Variants in OSMR observed in about 807,000 individuals in gnomAD.
OSMR encodes the protein oncostatin M receptor, also known as oncostatin-M-specific receptor subunit beta.
Under a neutral mutation model 99.9 loss-of-function variants are expected in OSMR, and 81 were observed. The ratio of observed to expected loss-of-function variants is 0.81; its 90% CI spans 0.68 to 0.97. The LOEUF (loss-of-function observed/expected upper bound fraction) is 0.97, where lower values mean the gene tolerates loss of function less well. Among genes scored for constraint, OSMR ranks in the 50% least tolerant of loss-of-function variants. OSMR has a pLI of 0.00. For missense variants in OSMR, 1,099 were observed against 1,153.4 expected (o/e 0.95, Z 0.68); for synonymous variants, 406 against 410.4 (o/e 0.99, Z 0.13).
In OSMR at chr5:38,921,724, C is replaced by T; in HGVS notation, c.1695C>T (p.Thr565=). ...ATGTTGTGGACTGGTGTGACCATACCCAGGATGTGCTCGGTGATTTCCAGT... is the reference window on the plus strand; with the variant it reads ...ATGTTGTGGACTGGTGTGACCATACTCAGGATGTGCTCGGTGATTTCCAGT... ...IGYVVDWCDH[T]QDVLGDFQWK... The change falls in exon 12 of 18, where the codon ACC becomes ACT. Residue 565 remains threonine (T), a synonymous_variant. Coordinates refer to ENST00000274276, the MANE Select transcript of OSMR (RefSeq NM_003999.3). The T allele has an allele frequency of 1.2e-6, 2 of 1,614,016 alleles. No homozygotes were observed. Among genetic ancestry groups the T allele is most frequent in the African/African-American group, 1.3e-5 (1 of 74,982 alleles).
At chr5:38,936,495 A>T (rs1747049359), downstream of OSMR, among the ~76,000 whole-genome samples, 2 of 152,136 alleles carry the variant, frequency 1.3e-5, no homozygotes, top group African/African-American at 4.8e-5. Flanking sequence ...TCAAGATGGG[A>T]GTTGGGACCT....
intron 7 of OSMR, among the ~76,000 whole-genome samples, chr5:38,889,568 C>A (rs1487261713): frequency 6.6e-6 from 1 of 152,058 alleles, no homozygotes; most frequent in African/African-American, 2.4e-5. Flanking sequence ...TCTCTAATAT[C>A]TTTTATCACT....
chr5:38,895,864 CT>C, intron 7 of OSMR, among the ~76,000 whole-genome samples: 1 of 152,078 alleles, frequency 6.6e-6, no homozygotes, highest in Middle Eastern at 3.4e-3. Context: ...CATTTTTCTG[CT>C]TATGGATATC....
chr5:38,932,744 T>G, intron 17 of OSMR, 128 bp from the exon 18 acceptor site: 6 of 1,530,610 alleles, frequency 3.9e-6, no homozygotes, highest in Non-Finnish European at 5.3e-6. Flanking sequence ...ACCTCCAGGT[T>G]ACTTGTGACC....
At chr5:38,916,708 AATCC>A (rs1200400633) in intron 9 of OSMR, among the ~76,000 whole-genome samples, 3 of 152,198 alleles carry the variant, frequency 2.0e-5, no homozygotes, top group Non-Finnish European at 4.4e-5. Flanking sequence ...TCAATCAGTC[AATCC>A]ATCTACAAAG....
chr5:38,922,166 C>T (rs1048446750), intron 12 of OSMR, among the ~76,000 whole-genome samples: 4 of 152,148 alleles, frequency 2.6e-5, no homozygotes, highest in Admixed American at 1.3e-4. Context: ...GAGAATCGAT[C>T]ATCAACTTCA....
rs892790175 is a variant in OSMR at position 38,933,150 on chromosome 5, T to C, written c.2646T>C (p.Ser882=). ...GHVPVSPKAP[S]MLGLMTSPEN... is the part of the protein sequence containing the mutation. ...TTCCAGTATCCCCAAAAGCCCCAAGTATGCTGGGACTAATGACCTCACCTG... is the reference window on the plus strand; with the variant it reads ...TTCCAGTATCCCCAAAAGCCCCAAGCATGCTGGGACTAATGACCTCACCTG... The change falls in exon 18 of 18, where the codon AGT becomes AGC. Residue 882 remains serine (S), a synonymous_variant. Coordinates refer to ENST00000274276, the MANE Select transcript of OSMR (RefSeq NM_003999.3). The C allele has an allele frequency of 6.2e-7, 1 of 1,613,982 alleles. No individual in the cohort carries two copies. The highest frequency in any genetic ancestry group is 1.3e-5 in the African/African-American group (1 of 74,906).
At chr5:38,943,213 G>T in intron 1 of OSMR, 2 of 367,894 alleles carry the variant, frequency 5.4e-6, no homozygotes, top group Non-Finnish European at 9.8e-6. Flanking sequence ...TAAAATTGAA[G>T]CATTCTTTTT....
At chr5:38,942,275 A>G in intron 1 of OSMR, 1 of 1,273,126 alleles carries the variant, frequency 7.9e-7, no homozygotes, top group Non-Finnish European at 1.1e-6. Flanking sequence ...TATATATAGT[A>G]TGTATCTATA....
intron 9 of OSMR, among the ~76,000 whole-genome samples, chr5:38,913,780 C>A (rs1374138596): frequency 6.6e-6 from 1 of 152,198 alleles, no homozygotes; most frequent in Non-Finnish European, 1.5e-5. Context: ...TAGCAGTCAG[C>A]ACCACTGTCC....
At chr5:38,877,400 T>G (rs963901804) in intron 3 of OSMR, among the ~76,000 whole-genome samples, 4 of 152,234 alleles carry the variant, frequency 2.6e-5, no homozygotes, top group Non-Finnish European at 5.9e-5. Flanking sequence ...TTTGACTCTG[T>G]CCACTTAGGA....
At chr5:38,866,609 TG>T (rs1183894335) in intron 1 of OSMR, among the ~76,000 whole-genome samples, 1 of 151,706 alleles carries the variant, frequency 6.6e-6, no homozygotes, top group African/African-American at 2.4e-5. Context: ...GAATGGATAT[TG>T]GGTGATGTCC....
chr5:38,855,812 C>A (rs1036843967), intron 1 of OSMR, among the ~76,000 whole-genome samples: 2 of 151,438 alleles, frequency 1.3e-5, no homozygotes, highest in Non-Finnish European at 1.5e-5. Flanking sequence ...TCAATGTAAA[C>A]CAGACCACGT....
At chr5:38,928,146 C>A (rs1023449835) in intron 15 of OSMR, among the ~76,000 whole-genome samples, 1 of 151,398 alleles carries the variant, frequency 6.6e-6, no homozygotes, top group Non-Finnish European at 1.5e-5. Flanking sequence ...CCAAACTTTC[C>A]AACATCTTCC....
rs995085834 is a variant in OSMR, at chr5:38,933,462, T to C, written c.*18T>C. On this transcript the variant is annotated 3_prime_UTR_variant, in exon 18 of 18. Coordinates refer to ENST00000274276, the MANE Select transcript of OSMR (RefSeq NM_003999.3). ...ACTGCTAACCAGCATGCCGATTTCA[T>C]ACCTTATGCTACACAGACATTAAGA... The C allele has an allele frequency of 2.5e-6, 4 of 1,613,638 alleles. No homozygotes were observed. The highest frequency in any genetic ancestry group is 8.5e-7 in the Non-Finnish European group (1 of 1,179,796).
At chr5:38,902,313 C>A (rs1332206052) in intron 7 of OSMR, among the ~76,000 whole-genome samples, 1 of 152,162 alleles carries the variant, frequency 6.6e-6, no homozygotes, top group East Asian at 1.9e-4. Context: ...ATGGAGGTGG[C>A]CTTCTGTGCC....
At chr5:38,914,534 A>G (rs969133640) in intron 9 of OSMR, among the ~76,000 whole-genome samples, 1 of 150,154 alleles carries the variant, frequency 6.7e-6, no homozygotes, top group African/African-American at 2.4e-5. Flanking sequence ...AAAATAAATC[A>G]TTCTACCAAC....
rs1192224021 is a variant in OSMR, at chr5:38,934,912, T to C, written c.*1468T>C. 6.6e-6 allele frequency: 1 copy of C among 152,304 alleles called. No individual in the cohort carries two copies. Among genetic ancestry groups the C allele is most frequent in the African/African-American group, 2.4e-5 (1 of 41,448 alleles). 9.4% of individuals were successfully genotyped at this position (152,304 alleles called of 1,614,324 possible). On this transcript the variant is annotated 3_prime_UTR_variant, in exon 18 of 18. Coordinates refer to ENST00000274276, the MANE Select transcript of OSMR (RefSeq NM_003999.3). ...GTGCAATGGTGCAGCCTTGGCTCAC[T>C]GCAACCTCCGCCTCCCAGGGTCAAG...
chr5:38,904,213 TTC>T (rs1271889497), intron 8 of OSMR, 138 bp from the exon 9 acceptor site: 2 of 1,527,144 alleles, frequency 1.3e-6, no homozygotes, highest in Non-Finnish European at 1.8e-6. Context: ...GAAGATTTTT[TTC>T]CCCCCAAAGA....
Sources: gnomAD v4.1 joint callset for allele counts (sites outside exome capture counted in the v4.1 genomes callset) on GRCh38, gnomAD v4.1.1 for gene constraint, MANE v1.5 for transcripts, NCBI Gene and HGNC (gene_info 2026-07-23, HGNC 2026-07-21) for gene names.